Variants in SLC30A10 observed in about 807,000 individuals in gnomAD.
SLC30A10 encodes the protein calcium/manganese antiporter SLC30A10.
Under a neutral mutation model 21.7 loss-of-function variants are expected in SLC30A10, and 8 were observed. The ratio of observed to expected loss-of-function variants is 0.37; its 90% CI spans 0.22 to 0.67. SLC30A10 has a LOEUF of 0.67. Ranked by LOEUF, SLC30A10 falls within the 30% of genes least tolerant of loss-of-function variation. SLC30A10 has a pLI of 0.58. For synonymous variants in SLC30A10, 272 were observed against 279.4 expected, an observed-to-expected ratio of 0.97 and a Z score of 0.26; for missense variants, 521 against 642.5, an observed-to-expected ratio of 0.81 and a Z score of 2.04.
In SLC30A10 at chr1:219,927,924, C is replaced by A. The variant is rs1040999644; in HGVS notation, c.517G>T (p.Ala173Ser). 6.5e-7 allele frequency: 1 copy of A among 1,537,574 alleles called. No individual in the cohort carries two copies. Among genetic ancestry groups the A allele is most frequent in the Non-Finnish European group, 8.8e-7 (1 of 1,141,864 alleles). ...VPGAFGGPQG[A>S]EDPRRAADPT... is the part of the protein sequence containing the mutation. ...TCCGCCGCGCGCCGCGGGTCCTCCG[C>A]GCCCTGAGGCCCCCCGAAAGCGCCG... is the stretch of plus-strand genomic sequence containing the variant. The change falls in exon 1 of 4, where the codon GCG becomes TCG. Residue 173 changes from alanine to serine, a missense_variant. Coordinates refer to ENST00000366926, the MANE Select transcript of SLC30A10 (RefSeq NM_018713.3).
chr1:219,955,182 A>G (rs1016827152), intron 1 of SLC30A10, among the ~76,000 whole-genome samples: 1 of 152,186 alleles, frequency 6.6e-6, no homozygotes, highest in African/African-American at 2.4e-5. Context: ...CCACCCCTTC[A>G]ACCTTTCCCC....
chr1:219,941,262 C>G (rs1280228000), intron 1 of SLC30A10, among the ~76,000 whole-genome samples: 1 of 152,208 alleles, frequency 6.6e-6, no homozygotes, highest in Non-Finnish European at 1.5e-5. Flanking sequence ...AACAACAAGA[C>G]AAATTTGAAG....
At chr1:219,922,176 GTTTTTTTTTTT>G (rs869249213) in intron 2 of SLC30A10, among the ~76,000 whole-genome samples, 519 of 36,458 alleles carry the variant, frequency 0.014, 89 homozygotes, top group Admixed American at 0.11. Flanking sequence ...GTGTGTGTGT[GTTTTTTTTTTT>G]TTTTTTTTTT....
At chr1:219,916,987 T>A (rs1212857581) in intron 3 of SLC30A10, among the ~76,000 whole-genome samples, 1 of 149,532 alleles carries the variant, frequency 6.7e-6, no homozygotes, top group Non-Finnish European at 1.5e-5. Context: ...TTTTTTTTTT[T>A]AGAGACAGAG....
chr1:219,934,149 G>A (rs185063185), intron 1 of SLC30A10, among the ~76,000 whole-genome samples: 51 of 152,276 alleles, frequency 3.3e-4, no homozygotes, highest in East Asian at 7.7e-4. Flanking sequence ...TTAGCCAGGC[G>A]TGGTGGTGGG....
intron 2 of SLC30A10, among the ~76,000 whole-genome samples, chr1:219,926,067 G>A (rs1659818308): frequency 6.6e-6 from 1 of 152,046 alleles, no homozygotes; most frequent in African/African-American, 2.4e-5. Flanking sequence ...CTTTCAGAGA[G>A]CAAATTCCCC....
At chr1:219,932,717 T>C (rs397834453), upstream of SLC30A10, among the ~76,000 whole-genome samples, 9,289 of 142,260 alleles carry the variant, frequency 0.065, 1,038 homozygotes, top group African/African-American at 0.23. Context: ...TTTTTTTTTT[T>C]TTTTTTTTTT....
chr1:219,921,419 A>T (rs777293710), intron 2 of SLC30A10, among the ~76,000 whole-genome samples: 1 of 152,194 alleles, frequency 6.6e-6, no homozygotes, highest in African/African-American at 2.4e-5. Context: ...CTGACCAGAG[A>T]TCTACTGTGC....
At position 219,915,501 on chromosome 1, in the gene SLC30A10, CTT is replaced by C. The variant is rs1659512269; in HGVS notation, c.1404_1405del (p.Leu470Ter). On this transcript the variant is annotated frameshift_variant, in exon 4 of 4. Transcript: ENST00000366926. LOFTEE classifies it high-confidence loss of function. Reference sequence around the variant, plus strand: ...TTGGTCCTCCTGAGTTTTGTTAAGACTTTGTCCGTGGTCACTCAGACAGCTAT... The same window carrying C: ...TTGGTCCTCCTGAGTTTTGTTAAGACTGTCCGTGGTCACTCAGACAGCTAT... 6.2e-7 allele frequency: 1 copy of C among 1,614,218 alleles called. No homozygotes were observed. The highest frequency in any genetic ancestry group is 1.3e-5 in the African/African-American group (1 of 75,050).
intron 1 of SLC30A10, among the ~76,000 whole-genome samples, chr1:219,940,249 C>T (rs566418430): frequency 8.5e-5 from 13 of 152,354 alleles, no homozygotes; most frequent in African/African-American, 2.2e-4. Context: ...ACGCAAGGAG[C>T]AGTCACGTGT....
At chr1:219,944,242 T>A (rs990991402) in intron 1 of SLC30A10, among the ~76,000 whole-genome samples, 2 of 150,320 alleles carry the variant, frequency 1.3e-5, no homozygotes, top group Admixed American at 6.6e-5. Flanking sequence ...GGTCAGGAGA[T>A]GGAGACCATC....
Position 219,916,073 on chromosome 1 carries a change from GGAA to G in SLC30A10, c.959-128_959-126del, listed in dbSNP as rs1215519868. The G allele has an allele frequency of 1.1e-5, 14 of 1,223,912 alleles. No individual in the cohort carries two copies. The African/African-American group carries it at 2.1e-4, about 18-fold the overall frequency. The allele number at this position is 1,223,912 out of a possible 1,614,324, so 75.8% of individuals were successfully genotyped here. ...GGCTGCCTACTTACTACGAACAGCT[GGAA>G]GAAATTAGTTCTACCTCTGTGGGTA... On this transcript the variant is annotated intron_variant, in intron 3 of 3. Transcript: ENST00000366926.
In SLC30A10 at chr1:219,910,501, C is replaced by T. The variant is rs899401939; in HGVS notation, c.*4948G>A. On this transcript the variant is annotated 3_prime_UTR_variant, in exon 4 of 4. Coordinates refer to ENST00000366926, the MANE Select transcript of SLC30A10 (RefSeq NM_018713.3). ...ATTGAACATCTTTGAAAGGTATGCT[C>T]ATGTACATACATTACTGGGGGATTC... is the stretch of plus-strand genomic sequence containing the variant. Among the ~76,000 whole-genome samples, 1 of 152,142 alleles carries T rather than the reference C, an allele frequency of 6.6e-6. No individual in the cohort carries two copies. Among genetic ancestry groups the T allele is most frequent in the Non-Finnish European group, 1.5e-5 (1 of 68,030 alleles).
At chr1:219,954,837 G>A (rs893050421) in intron 1 of SLC30A10, among the ~76,000 whole-genome samples, 5 of 151,818 alleles carry the variant, frequency 3.3e-5, no homozygotes, top group African/African-American at 9.7e-5. Flanking sequence ...AGAAAAAGAC[G>A]CAAAATAGAG....
At chr1:219,929,531 T>TA (rs887346795), upstream of SLC30A10, among the ~76,000 whole-genome samples, 5 of 152,054 alleles carry the variant, frequency 3.3e-5, no homozygotes, top group African/African-American at 7.2e-5. Flanking sequence ...GACTCTTTTT[T>TA]TTTTTTGAGA....
chr1:219,932,792 T>A (rs1344656830), upstream of SLC30A10, among the ~76,000 whole-genome samples: 1 of 133,502 alleles, frequency 7.5e-6, no homozygotes, highest in East Asian at 2.4e-4. Context: ...CCAGGCGAGG[T>A]GGCTCACGCC....
At chr1:219,925,925 T>C (rs1659814432) in intron 2 of SLC30A10, among the ~76,000 whole-genome samples, 2 of 151,702 alleles carry the variant, frequency 1.3e-5, no homozygotes, top group African/African-American at 4.8e-5. Context: ...CCTCCCAAAG[T>C]GCTGGGATTA....
Position 219,915,187 on chromosome 1 carries a change from T to C in SLC30A10, c.*262A>G. 1 of 490,476 alleles carries C rather than the reference T, an allele frequency of 2.0e-6. No individual in the cohort carries two copies. The highest frequency in any genetic ancestry group is 3.7e-6 in the Non-Finnish European group (1 of 270,124). The allele number at this position is 490,476 out of a possible 1,614,324, so 30.4% of individuals were successfully genotyped here. A position where few individuals can be genotyped will look rare whatever the true frequency, so the allele number is the denominator to read the frequency against. On this transcript the variant is annotated 3_prime_UTR_variant, in exon 4 of 4. Transcript: ENST00000366926. ...TTAATGTCCCTGATATATACACTAG[T>C]GCAGTTTGCTTTAGAAAATGCATGT...
intron 3 of SLC30A10, among the ~76,000 whole-genome samples, chr1:219,916,968 GTTTTT>G (rs749604118): frequency 7.6e-6 from 1 of 132,298 alleles, no homozygotes; most frequent in Non-Finnish European, 1.6e-5. Flanking sequence ...ATCTTGTGGG[GTTTTT>G]TTTTTTTTTT....
Sources: allele counts gnomAD v4.1 joint callset (sites outside exome capture counted in the v4.1 genomes callset), GRCh38; gene constraint gnomAD v4.1.1; transcripts MANE v1.5; gene names NCBI Gene and HGNC (gene_info 2026-07-23, HGNC 2026-07-21).